Variants in MYH9 observed in about 807,000 individuals in gnomAD.
MYH9 encodes the protein myosin heavy chain 9.
A neutral mutation model predicts 241.9 loss-of-function variants in MYH9; 29 were observed. The ratio of observed to expected loss-of-function variants is 0.12; its 90% CI spans 0.09 to 0.16. The LOEUF is 0.16. Ranked by LOEUF, MYH9 falls within the 10% of genes least tolerant of loss-of-function variation. The probability of loss-of-function intolerance (pLI) is 1.00; values close to 1 mark genes in which losing one functional copy is unlikely to be tolerated. For missense variants in MYH9, 1,803 were observed against 2,595.5 expected, an observed-to-expected ratio of 0.69 and a Z score of 6.63; for synonymous variants, 1,047 against 1,062.6, an observed-to-expected ratio of 0.99 and a Z score of 0.29.
At chr22:36,282,889 T>C in intron 40 of MYH9, 104 bp from the exon 41 acceptor site, 1 of 1,022,544 alleles carries the variant, frequency 9.8e-7, no homozygotes, top group Middle Eastern at 3.1e-4. Context: ...GGAAACCAGG[T>C]GCCTGGCTGC....
chr22:36,386,819 T>C (rs1382017579), intron 1 of MYH9, among the ~76,000 whole-genome samples: 2 of 152,230 alleles, frequency 1.3e-5, no homozygotes, highest in African/African-American at 4.8e-5. Flanking sequence ...CTCCTGTGCG[T>C]GGCCCCAGAA....
intron 7 of MYH9, among the ~76,000 whole-genome samples, chr22:36,321,119 A>G (rs2146363926): frequency 6.6e-6 from 1 of 152,208 alleles, no homozygotes; most frequent in South Asian, 2.1e-4. Context: ...CACCCAGCTA[A>G]TTTTTAGTAG....
intron 5 of MYH9, among the ~76,000 whole-genome samples, chr22:36,323,740 T>C (rs899118648): frequency 6.6e-6 from 1 of 151,846 alleles, no homozygotes; most frequent in Non-Finnish European, 1.5e-5. Flanking sequence ...CTGGCAGCCC[T>C]CCTAGGCCAG....
At chr22:36,370,258 C>G (rs2018069367) in intron 1 of MYH9, among the ~76,000 whole-genome samples, 2 of 152,160 alleles carry the variant, frequency 1.3e-5, no homozygotes, top group South Asian at 4.1e-4. Flanking sequence ...GCCTATTTAC[C>G]TAAGCACCAG....
In MYH9 at chr22:36,320,700, CAA is replaced by C. The variant is rs1169803082; in HGVS notation, c.868+96_868+97del. The C allele has an allele frequency of 9.1e-7, 1 of 1,096,260 alleles. No individual in the cohort carries two copies. The allele number at this position is 1,096,260 out of a possible 1,614,324, so 67.9% of individuals were successfully genotyped here. On this transcript the variant is annotated intron_variant, in intron 8 of 40. Coordinates refer to ENST00000216181, the MANE Select transcript of MYH9 (RefSeq NM_002473.6). This position sits in a 1 kb window ranked among gnomAD's most constrained non-coding sequence, Gnocchi z 4.8. The stretch of plus-strand genomic sequence containing the variant: ...CACTTCTCCCCGTTAAACCCAAGGC[CAA>C]AAGTTTTCATTTCCCAAATGATGTC...
intron 11 of MYH9, among the ~76,000 whole-genome samples, chr22:36,317,153 A>G (rs2017170444): frequency 6.8e-6 from 1 of 147,774 alleles, no homozygotes; most frequent in South Asian, 2.1e-4. Context: ...GGGAGATAAG[A>G]CAAACGATGA....
rs1209149881 is a variant in MYH9, at chr22:36,291,968, G to A, written c.4344+18C>T. On this transcript the variant is annotated intron_variant, in intron 31 of 40. Transcript: ENST00000216181. Reference sequence around the variant, plus strand: ...TGAAGGAGAGGAAATGCAAAGGATGGGGCCAACGGCCACACACCTGGTCAA... The same window carrying A: ...TGAAGGAGAGGAAATGCAAAGGATGAGGCCAACGGCCACACACCTGGTCAA... 1 of 1,614,080 alleles carries A rather than the reference G, an allele frequency of 6.2e-7. No individual in the cohort carries two copies. Among genetic ancestry groups the A allele is most frequent in the South Asian group, 1.1e-5 (1 of 91,074 alleles).
At chr22:36,356,501 A>G (rs1289094045) in intron 1 of MYH9, among the ~76,000 whole-genome samples, 1 of 149,006 alleles carries the variant, frequency 6.7e-6, no homozygotes, top group African/African-American at 2.5e-5. Context: ...GAATCGCTTG[A>G]ACCCAGGAGG....
At chr22:36,341,264 G>T (rs2017584450) in intron 3 of MYH9, 106 bp downstream of exon 3, 2 of 1,433,944 alleles carry the variant, frequency 1.4e-6, no homozygotes, top group Admixed American at 3.5e-5. Flanking sequence ...CCCATCACCA[G>T]CCACTAGATC....
At chr22:36,323,322 C>A (rs2017285737) in intron 5 of MYH9, among the ~76,000 whole-genome samples, 1 of 152,260 alleles carries the variant, frequency 6.6e-6, no homozygotes, top group Non-Finnish European at 1.5e-5. Flanking sequence ...GGCGGAATTC[C>A]AGTCCCCTCC....
intron 31 of MYH9, among the ~76,000 whole-genome samples, chr22:36,290,944 C>T (rs1214301055): frequency 6.0e-5 from 9 of 149,222 alleles, no homozygotes; most frequent in African/African-American, 1.2e-4. Context: ...GGAGCCCCTC[C>T]GCCCTGCAGC....
intron 3 of MYH9, among the ~76,000 whole-genome samples, chr22:36,338,095 T>G (rs1453499835): frequency 2.0e-5 from 3 of 152,030 alleles, no homozygotes; most frequent in African/African-American, 7.3e-5. Flanking sequence ...CCGCCCAGGT[T>G]CAAGCAATTC....
In MYH9 at chr22:36,282,662, A is replaced by G. The variant is rs748836792; in HGVS notation, c.*6T>C. The G allele has an allele frequency of 1.9e-6, 3 of 1,613,106 alleles. No individual in the cohort carries two copies. The highest frequency in any genetic ancestry group is 1.1e-5 in the South Asian group (1 of 91,068). Reference sequence around the variant, plus strand: ...TCCATCCATCTCAGGCTGCAGGAGAAGAGGCTTATTCGGCAGGTTTGGCCT... The same window carrying G: ...TCCATCCATCTCAGGCTGCAGGAGAGGAGGCTTATTCGGCAGGTTTGGCCT... On this transcript the variant is annotated 3_prime_UTR_variant, in exon 41 of 41. Coordinates refer to ENST00000216181, the MANE Select transcript of MYH9 (RefSeq NM_002473.6).
Position 36,348,776 on chromosome 22 carries a change from T to TC in MYH9, c.333+127dup. The TC allele has an allele frequency of 4.6e-6, 4 of 863,158 alleles. No individual in the cohort carries two copies. In the Admixed American group the frequency reaches 8.0e-5, roughly 17 times the overall value. The allele number at this position is 863,158 out of a possible 1,614,324, so 53.5% of individuals were successfully genotyped here. The stretch of plus-strand genomic sequence containing the variant: ...AAGTTCAAGGATGTCACCCCAGCAC[T>TC]CCTTCAAGCCCCCTTCTCAACCAGA... On this transcript the variant is annotated intron_variant, in intron 2 of 40. Transcript: ENST00000216181.
intron 1 of MYH9, among the ~76,000 whole-genome samples, chr22:36,368,818 C>CCCTGCAAAG (rs1352902619): frequency 1.3e-5 from 2 of 151,894 alleles, no homozygotes; most frequent in African/African-American, 4.8e-5. Flanking sequence ...ACAAAGGCTG[C>CCCTGCAAAG]CCTGCAAAGC....
chr22:36,360,051 C>T lies in MYH9; in HGVS notation c.-19-10796G>A, dbSNP rs537198890. 7.9e-4 allele frequency among the ~76,000 whole-genome samples: 109 copies of T among 137,896 alleles called. 1 individual carries two copies. The highest frequency in any genetic ancestry group is 2.6e-3 in the African/African-American group (100 of 38,860). The allele number at this position is 137,896 out of a possible 152,430, so 90.5% of individuals were successfully genotyped here. A position where few individuals can be genotyped will look rare whatever the true frequency, so the allele number is the denominator to read the frequency against. ...ACAAACACCACCACCACCACCACCA[C>T]CACCACCACCACCACCACCACCACC... is the stretch of plus-strand genomic sequence containing the variant. On this transcript the variant is annotated intron_variant, in intron 1 of 40. Transcript: ENST00000216181.
In MYH9 at chr22:36,285,885, G is replaced by A. The variant is rs150198935; in HGVS notation, c.5130C>T (p.Ile1710=). Residue 1710 remains isoleucine (I), a synonymous_variant, in exon 36 of 41, where the codon ATC becomes ATT. Coordinates refer to ENST00000216181, the MANE Select transcript of MYH9 (RefSeq NM_002473.6). This position sits in a 1 kb window ranked among gnomAD's most constrained non-coding sequence, Gnocchi z 7.0. The stretch of plus-strand genomic sequence containing the variant: ...CTCACCCTTTGCCGCTGCTGTTGGC[G>A]ATCTCGTCAGCCAGCTCATCCCGCT... The part of the protein sequence containing the change: ...QQERDELADE[I]ANSSGKGALA... 94 of 1,613,258 alleles carry A rather than the reference G, an allele frequency of 5.8e-5. No individual in the cohort carries two copies. Among genetic ancestry groups the A allele is most frequent in the Non-Finnish European group, 6.9e-5 (82 of 1,179,984 alleles).
intron 40 of MYH9, among the ~76,000 whole-genome samples, chr22:36,283,009 T>A (rs2016518128): frequency 6.6e-6 from 1 of 152,076 alleles, no homozygotes; most frequent in South Asian, 2.1e-4. Context: ...GTGTCGGACA[T>A]CTTCACACAC....
intron 1 of MYH9, among the ~76,000 whole-genome samples, chr22:36,353,132 T>TC (rs1491190740): frequency 3.5e-4 from 52 of 150,238 alleles, no homozygotes; most frequent in African/African-American, 1.0e-3. Flanking sequence ...TGTGTGTGTG[T>TC]ATAAGTGTGT....
Sources: allele counts gnomAD v4.1 joint callset (sites outside exome capture counted in the v4.1 genomes callset), GRCh38; gene constraint gnomAD v4.1.1; non-coding constraint Gnocchi (gnomAD v3.1); transcripts MANE v1.5; gene names NCBI Gene and HGNC (gene_info 2026-07-23, HGNC 2026-07-21).